SHC3: variants seen among roughly 807,000 people sequenced by gnomAD.
SHC3 encodes the protein SHC adaptor protein 3, also known as SHC-transforming protein 3.
SHC3 carries 15 observed loss-of-function variants against 60.4 expected under a neutral mutation model. The observed-to-expected ratio is 0.25, with a 90% CI of 0.17 to 0.38. SHC3 has a LOEUF of 0.38. Ranked by LOEUF, SHC3 falls within the 10% of genes least tolerant of loss-of-function variation. The probability of loss-of-function intolerance (pLI) is 1.00; values close to 1 mark genes in which losing one functional copy is unlikely to be tolerated. For missense variants in SHC3, 677 were observed against 786.1 expected, an observed-to-expected ratio of 0.86 and a Z score of 1.66; for synonymous variants, 294 against 325.9, an observed-to-expected ratio of 0.90 and a Z score of 1.05.
intron 2 of SHC3, 76 bp downstream of exon 2, chr9:89,112,480 A>G: frequency 6.6e-7 from 1 of 1,523,750 alleles, no homozygotes; most frequent in East Asian, 2.3e-5. Context: ...TTCTTCTAAA[A>G]ATGTGTCAGC....
chr9:89,073,059 G>A (rs1311074850), intron 4 of SHC3, among the ~76,000 whole-genome samples: 1 of 152,096 alleles, frequency 6.6e-6, no homozygotes, highest in African/African-American at 2.4e-5. Context: ...GCAGCTCTCT[G>A]GAATCTTCCC....
intron 11 of SHC3, 42 bp downstream of exon 11, chr9:89,037,951 C>T: frequency 1.9e-6 from 3 of 1,592,200 alleles, no homozygotes; most frequent in Non-Finnish European, 2.6e-6. Context: ...GGCAGGTCTG[C>T]ACCCACTGGC....
intron 11 of SHC3, among the ~76,000 whole-genome samples, chr9:89,029,096 T>C (rs1315975779): frequency 2.0e-5 from 3 of 151,246 alleles, no homozygotes; most frequent in African/African-American, 7.3e-5. Flanking sequence ...TCCCAGAACA[T>C]AGAACATAAT....
chr9:89,022,552 T>G (rs1399216977), intron 11 of SHC3, among the ~76,000 whole-genome samples: 2 of 152,160 alleles, frequency 1.3e-5, no homozygotes, highest in African/African-American at 4.8e-5. Context: ...TAATTTTAGT[T>G]GTCCTCAGAA....
chr9:89,134,146 A>G (rs1238445187), intron 1 of SHC3, among the ~76,000 whole-genome samples: 1 of 152,154 alleles, frequency 6.6e-6, no homozygotes, highest in African/African-American at 2.4e-5. Context: ...AGACTACTAA[A>G]GAAACAGTTC....
chr9:89,032,108 T>C (rs1824501336), intron 11 of SHC3, among the ~76,000 whole-genome samples: 1 of 152,156 alleles, frequency 6.6e-6, no homozygotes, highest in African/African-American at 2.4e-5. Flanking sequence ...CACACGTGAC[T>C]TGGCATGCGG....
rs111875055 is a variant in SHC3, at chr9:89,096,749, G to A, written c.545+15807C>T. ...AAGTCTGAAGGTTGTTACAATGTTA[G>A]GGGGAGACGTGCTACTGGCATCTAG... On this transcript the variant is annotated intron_variant, in intron 2 of 11. Transcript: ENST00000375835. 7.7e-3 allele frequency among the ~76,000 whole-genome samples: 1,175 copies of A among 152,278 alleles called. 20 individuals are homozygous for A. Among genetic ancestry groups the A allele is most frequent in the African/African-American group, 0.027 (1,112 of 41,540 alleles).
At position 89,178,733 on chromosome 9, in the gene SHC3, C is replaced by G. The variant is rs1256611882; in HGVS notation, c.-273G>C. ...AAAGTCATAGTTGCCTCTGATGGAG[C>G]GCCCAGCTGCTTGGGGCTGCTCACA... On this transcript the variant is annotated 5_prime_UTR_variant, in exon 1 of 12. Transcript: ENST00000375835. This position sits in a 1 kb window ranked among gnomAD's most constrained non-coding sequence, Gnocchi z 6.9. 3.0e-6 allele frequency: 1 copy of G among 337,634 alleles called. No individual in the cohort carries two copies. Among genetic ancestry groups the G allele is most frequent in the Non-Finnish European group, 5.4e-6 (1 of 186,068 alleles). 20.9% of individuals were successfully genotyped at this position (337,634 alleles called of 1,614,324 possible).
At chr9:89,138,905 T>C (rs1373539337) in intron 1 of SHC3, among the ~76,000 whole-genome samples, 1 of 152,146 alleles carries the variant, frequency 6.6e-6, no homozygotes. Flanking sequence ...TCTTGAGTTC[T>C]GAGAAAAGGT....
chr9:89,063,139 CT>C (rs1026421341), intron 6 of SHC3, among the ~76,000 whole-genome samples: 5 of 151,678 alleles, frequency 3.3e-5, no homozygotes, highest in South Asian at 2.1e-4. Flanking sequence ...GCTGTGACAG[CT>C]TTTTTTTTGA....
At chr9:89,096,195 A>G (rs1825698823) in intron 2 of SHC3, among the ~76,000 whole-genome samples, 1 of 152,218 alleles carries the variant, frequency 6.6e-6, no homozygotes. Context: ...TTAACCAAAC[A>G]TGTTAAAATT....
intron 2 of SHC3, among the ~76,000 whole-genome samples, chr9:89,107,433 A>G (rs975587851): frequency 6.6e-6 from 1 of 152,212 alleles, no homozygotes; most frequent in Non-Finnish European, 1.5e-5. Flanking sequence ...GTACAGTATT[A>G]TTCTAGCTGG....
rs527758444 is a variant in SHC3 at position 89,049,037 on chromosome 9, G to A, written c.963-2043C>T. ...AGCACTTTGGGAGGCCGAGAGGGGC[G>A]GATCACGAGGTCAGGAGATCGATAC... On this transcript the variant is annotated intron_variant, in intron 7 of 11. Transcript: ENST00000375835. Among the ~76,000 whole-genome samples the A allele has an allele frequency of 4.6e-5, 7 of 152,258 alleles. No homozygotes were observed. The East Asian group carries it at 1.4e-3, about 29-fold the overall frequency.
At chr9:89,105,977 G>T (rs1439437668) in intron 2 of SHC3, among the ~76,000 whole-genome samples, 4 of 152,168 alleles carry the variant, frequency 2.6e-5, no homozygotes, top group Non-Finnish European at 4.4e-5. Flanking sequence ...GATATTCATG[G>T]TAATAACCCC....
chr9:89,037,185 C>T (rs1247050649), intron 11 of SHC3, among the ~76,000 whole-genome samples: 1 of 152,154 alleles, frequency 6.6e-6, no homozygotes, highest in Non-Finnish European at 1.5e-5. Flanking sequence ...GGTAACACCC[C>T]CACCCCCGAC....
intron 11 of SHC3, 133 bp from the exon 12 acceptor site, chr9:89,013,708 CT>C: frequency 1.5e-6 from 2 of 1,294,490 alleles, no homozygotes; most frequent in Non-Finnish European, 2.1e-6. Context: ...GCTTCCACCA[CT>C]TTAGAGATGC....
chr9:89,177,329 A>T (rs1483325576), intron 1 of SHC3, among the ~76,000 whole-genome samples: 1 of 152,230 alleles, frequency 6.6e-6, no homozygotes, highest in Non-Finnish European at 1.5e-5. Context: ...TAGCACATTT[A>T]AATGGAAGAC....
At chr9:89,076,974 C>G (rs11137507) in intron 3 of SHC3, among the ~76,000 whole-genome samples, 1 of 151,632 alleles carries the variant, frequency 6.6e-6, no homozygotes, top group African/African-American at 2.4e-5. Flanking sequence ...GTCAAGAGGT[C>G]GAGACCATCC....
intron 10 of SHC3, among the ~76,000 whole-genome samples, chr9:89,039,401 T>C (rs1271463347): frequency 6.6e-6 from 1 of 152,250 alleles, no homozygotes; most frequent in African/African-American, 2.4e-5. Flanking sequence ...GATTTGGAGA[T>C]AAAAATAAGT....
Sources: allele counts gnomAD v4.1 joint callset (sites outside exome capture counted in the v4.1 genomes callset), GRCh38; gene constraint gnomAD v4.1.1; non-coding constraint Gnocchi (gnomAD v3.1); transcripts MANE v1.5; gene names NCBI Gene and HGNC (gene_info 2026-07-23, HGNC 2026-07-21).